Variants in PARD3B observed in about 807,000 individuals in gnomAD.
PARD3B encodes the protein partitioning defective 3 homolog B.
PARD3B carries 103 observed loss-of-function variants against 130.2 expected under a neutral mutation model. The ratio of observed to expected loss-of-function variants is 0.79; its 90% confidence interval spans 0.67 to 0.93. PARD3B has a LOEUF of 0.93. Among genes scored for constraint, PARD3B ranks in the 40% least tolerant of loss-of-function variants. The probability of loss-of-function intolerance (pLI) is 0.00; values close to 1 mark genes in which losing one functional copy is unlikely to be tolerated. For missense variants in PARD3B, 1,609 were observed against 1,499.2 expected (o/e 1.07, Z -1.21); for synonymous variants, 583 against 553.2 (o/e 1.05, Z -0.76).
At chr2:205,295,673 A>C (rs2041763099) in intron 16 of PARD3B, among the ~76,000 whole-genome samples, 1 of 152,320 alleles carries the variant, frequency 6.6e-6, no homozygotes, top group African/African-American at 2.4e-5. Context: ...TGGAAGATCC[A>C]ATTACTGGTC....
intron 2 of PARD3B, among the ~76,000 whole-genome samples, chr2:204,738,134 A>G (rs1553514955): frequency 4.6e-5 from 7 of 152,058 alleles, no homozygotes; most frequent in Non-Finnish European, 1.0e-4. Flanking sequence ...TTTGATGGAA[A>G]TTGCATTGAA....
chr2:205,336,473 T>C (rs1487199267), intron 18 of PARD3B, among the ~76,000 whole-genome samples: 2 of 152,238 alleles, frequency 1.3e-5, no homozygotes, highest in Admixed American at 1.3e-4. Context: ...CTTCATTTCT[T>C]CACTATGTCT....
intron 3 of PARD3B, among the ~76,000 whole-genome samples, chr2:205,020,214 A>G (rs1368281012): frequency 1.3e-5 from 2 of 152,136 alleles, no homozygotes; most frequent in Non-Finnish European, 2.9e-5. Context: ...TGCTTGGAGC[A>G]ACCTCTCTGA....
intron 12 of PARD3B, among the ~76,000 whole-genome samples, chr2:205,173,347 G>A (rs1285459384): frequency 1.3e-5 from 2 of 152,136 alleles, no homozygotes; most frequent in Admixed American, 6.6e-5. Flanking sequence ...CTGGAGTTTC[G>A]AATTGCTTGG....
At chr2:205,384,743 AT>A (rs772403247) in intron 18 of PARD3B, among the ~76,000 whole-genome samples, 3 of 152,134 alleles carry the variant, frequency 2.0e-5, no homozygotes, top group Non-Finnish European at 4.4e-5. Flanking sequence ...ACTCTTAGAA[AT>A]TATAAATAGA....
At chr2:205,609,767 C>T (rs1047817260) in intron 22 of PARD3B, among the ~76,000 whole-genome samples, 2 of 152,218 alleles carry the variant, frequency 1.3e-5, no homozygotes, top group African/African-American at 4.8e-5. Flanking sequence ...AACTCACCCC[C>T]TTTCAAAACA....
At chr2:204,802,581 G>C (rs932554994) in intron 2 of PARD3B, among the ~76,000 whole-genome samples, 3 of 152,094 alleles carry the variant, frequency 2.0e-5, no homozygotes, top group African/African-American at 7.2e-5. Flanking sequence ...GCAAAGACTT[G>C]GAACTAACCC....
chr2:205,077,800 G>A (rs1701165250), intron 4 of PARD3B, among the ~76,000 whole-genome samples: 1 of 152,046 alleles, frequency 6.6e-6, no homozygotes, highest in East Asian at 1.9e-4. Context: ...TTATTTAAAA[G>A]AGACTGTTCA....
At chr2:204,684,053 T>G (rs2036963380) in intron 1 of PARD3B, among the ~76,000 whole-genome samples, 2 of 152,158 alleles carry the variant, frequency 1.3e-5, no homozygotes, top group South Asian at 4.1e-4. Context: ...ACTGATCAAA[T>G]CCTATCTTTG....
chr2:205,069,773 C>T (rs72927595), intron 4 of PARD3B, among the ~76,000 whole-genome samples: 3,676 of 152,202 alleles, frequency 0.024, 58 homozygotes, highest in South Asian at 0.049. Flanking sequence ...CTCCCTGGCA[C>T]CAGCAGCAGG....
chr2:204,932,177 A>T (rs1452589393), intron 2 of PARD3B, among the ~76,000 whole-genome samples: 2 of 152,100 alleles, frequency 1.3e-5, no homozygotes, highest in Non-Finnish European at 2.9e-5. Flanking sequence ...ATTGACACAA[A>T]AATTGTTCAT....
chr2:205,472,499 T>C (rs186109001), intron 20 of PARD3B, among the ~76,000 whole-genome samples: 300 of 152,334 alleles, frequency 2.0e-3, no homozygotes, highest in African/African-American at 7.0e-3. Flanking sequence ...CATATAAATA[T>C]GCAATGATAT....
intron 4 of PARD3B, chr2:205,103,657 G>A: frequency 7.4e-6 from 7 of 950,360 alleles, no homozygotes; most frequent in Non-Finnish European, 8.8e-6. Context: ...TGAAGAGACA[G>A]GTATCCACAG....
chr2:205,095,625 A>G (rs376134742), intron 4 of PARD3B, among the ~76,000 whole-genome samples: 3 of 152,134 alleles, frequency 2.0e-5, no homozygotes, highest in Non-Finnish European at 2.9e-5. Flanking sequence ...GGTCCACTCA[A>G]ATCTCACAAA....
At chr2:205,375,949 G>A (rs2045030113) in intron 18 of PARD3B, among the ~76,000 whole-genome samples, 1 of 152,174 alleles carries the variant, frequency 6.6e-6, no homozygotes, top group Non-Finnish European at 1.5e-5. Flanking sequence ...ACAGTGCTCA[G>A]CTACAACAAA....
chr2:205,065,414 C>T (rs184502647), intron 4 of PARD3B, among the ~76,000 whole-genome samples: 2 of 152,328 alleles, frequency 1.3e-5, no homozygotes, highest in African/African-American at 4.8e-5. Context: ...AATAATTTCA[C>T]ATGGCCATAA....
At chr2:205,595,345 G>A (rs1404874922) in intron 22 of PARD3B, among the ~76,000 whole-genome samples, 2 of 152,212 alleles carry the variant, frequency 1.3e-5, no homozygotes, top group Non-Finnish European at 2.9e-5. Context: ...TCTCTCTGAA[G>A]TTCAAAAACC....
chr2:204,711,768 G>C (rs1314464585), intron 2 of PARD3B, among the ~76,000 whole-genome samples: 2 of 151,960 alleles, frequency 1.3e-5, no homozygotes, highest in African/African-American at 4.8e-5. Flanking sequence ...GGCTGGTCTC[G>C]AACTCCTGAC....
intron 15 of PARD3B, among the ~76,000 whole-genome samples, chr2:205,201,624 G>T (rs1319119643): frequency 1.3e-5 from 2 of 152,208 alleles, no homozygotes; most frequent in African/African-American, 2.4e-5. Context: ...GATCACCTGA[G>T]GTCGGGAGTT....
Sources: allele counts gnomAD v4.1 joint callset (sites outside exome capture counted in the v4.1 genomes callset), GRCh38; gene constraint gnomAD v4.1.1; transcripts MANE v1.5; gene names NCBI Gene and HGNC (gene_info 2026-07-23, HGNC 2026-07-21).